Variants in TULP4 observed in about 807,000 individuals in gnomAD.
TULP4 encodes the protein tubby-related protein 4.
In TULP4, 16 loss-of-function variants were observed where a neutral mutation model predicts 129.0. That is an observed-to-expected ratio of 0.12 (90% CI 0.08 to 0.19). The LOEUF (loss-of-function observed/expected upper bound fraction) is 0.19. TULP4 is among the 10% of genes least tolerant of loss of function. The probability of loss-of-function intolerance (pLI) is 1.00; values close to 1 mark genes in which losing one functional copy is unlikely to be tolerated. For missense variants in TULP4, 1,842 were observed against 2,059.1 expected, an observed-to-expected ratio of 0.89 and a Z score of 2.04; for synonymous variants, 998 against 854.0, an observed-to-expected ratio of 1.17 and a Z score of -2.94.
Position 158,493,523 on chromosome 6 carries a change from TCACCATTCCCGCCACGGATG to T in TULP4, c.1632-48_1632-29del. 1 of 1,425,874 alleles carries T rather than the reference TCACCATTCCCGCCACGGATG, an allele frequency of 7.0e-7. No individual in the cohort carries two copies. The highest frequency in any genetic ancestry group is 9.2e-7 in the Non-Finnish European group (1 of 1,085,976). 88.3% of individuals were successfully genotyped at this position (1,425,874 alleles called of 1,614,324 possible). ...AGGACTGCTGGAGTCAGGGCCATGC[TCACCATTCCCGCCACGGATG>T]CCTGACCCCTCCTGGCCTTGCCTCC... is the stretch of plus-strand genomic sequence containing the variant. On this transcript the variant is annotated intron_variant, in intron 9 of 13. Transcript: ENST00000367097. This position sits in a 1 kb window ranked among gnomAD's most constrained non-coding sequence, Gnocchi z 4.4.
chr6:158,324,388 A>ATAG (rs1175854225), intron 1 of TULP4, among the ~76,000 whole-genome samples: 2 of 152,206 alleles, frequency 1.3e-5, no homozygotes, highest in African/African-American at 4.8e-5. Flanking sequence ...GCAGAGTGCT[A>ATAG]TAGTAGGTCA....
chr6:158,239,669 C>T (rs1476814742), intron 1 of TULP4, among the ~76,000 whole-genome samples: 7 of 63,534 alleles, frequency 1.1e-4, no homozygotes, highest in Non-Finnish European at 1.4e-4. Flanking sequence ...CCGGACCGGG[C>T]GGCTGGCCGG....
chr6:158,510,398 G>T lies in TULP4; in HGVS notation c.*3704G>T, dbSNP rs1780710782. ...TGGTGACCTTGGGCAAGTCCCTGGGGCTGGCTAGGCCTCCACTTGTCCATC... is the reference window on the plus strand; with the variant it reads ...TGGTGACCTTGGGCAAGTCCCTGGGTCTGGCTAGGCCTCCACTTGTCCATC... On this transcript the variant is annotated 3_prime_UTR_variant, in exon 14 of 14. Transcript: ENST00000367097. 1 of 152,196 alleles carries T rather than the reference G, an allele frequency of 6.6e-6. No individual in the cohort carries two copies. Among genetic ancestry groups the T allele is most frequent in the South Asian group, 2.1e-4 (1 of 4,832 alleles). The allele number at this position is 152,196 out of a possible 1,614,324, so 9.4% of individuals were successfully genotyped here.
In TULP4 at chr6:158,489,735, A is replaced by G; in HGVS notation, c.1631+3A>G. The G allele has an allele frequency of 6.2e-7, 1 of 1,614,196 alleles. No individual in the cohort carries two copies. ...AGCAAATCACCCAAACTCCCAAGGTAATCTCAGTCTTTGGGGAGATCGTCC... is the reference window on the plus strand; with the variant it reads ...AGCAAATCACCCAAACTCCCAAGGTGATCTCAGTCTTTGGGGAGATCGTCC... On this transcript the variant is annotated splice_donor_region_variant and intron_variant, in intron 9 of 13. Transcript: ENST00000367097.
chr6:158,367,555 G>A (rs1776950563), intron 1 of TULP4, among the ~76,000 whole-genome samples: 1 of 152,120 alleles, frequency 6.6e-6, no homozygotes, highest in Non-Finnish European at 1.5e-5. Context: ...CCTACAAAAA[G>A]ACTGAACACA....
chr6:158,285,061 A>C (rs906278678), intron 1 of TULP4, among the ~76,000 whole-genome samples: 1 of 152,052 alleles, frequency 6.6e-6, no homozygotes, highest in African/African-American at 2.4e-5. Context: ...AAGGTCTTTG[A>C]TTGTTCAAGC....
chr6:158,332,226 T>G (rs1779927103), intron 1 of TULP4, among the ~76,000 whole-genome samples: 1 of 130,136 alleles, frequency 7.7e-6, no homozygotes, highest in African/African-American at 2.9e-5. Flanking sequence ...TATATATATA[T>G]ATAAATTGAA....
chr6:158,373,779 C>T (rs905223669), intron 1 of TULP4, among the ~76,000 whole-genome samples: 2 of 152,146 alleles, frequency 1.3e-5, no homozygotes, highest in Non-Finnish European at 2.9e-5. Context: ...AGCATTCTTT[C>T]CATGTTAATA....
chr6:158,504,011 G>A lies in TULP4; in HGVS notation c.4348G>A (p.Ala1450Thr). Residue 1450 changes from alanine (A) to threonine (T), a missense_variant, in exon 13 of 14, where the codon GCC (alanine) becomes ACC (threonine). Physicochemically the swap from Ala to Thr is moderately conservative, Grantham distance 58. This residue lies in a region of TULP4 where 1,089 missense variants were observed against 987.1 expected (regional missense o/e 1.10). Transcript: ENST00000367097. ...GCTGGAGGAGGCCAAGTGCCGGCGG[G>A]CCAGTGAGAAGGAGGACGGGCGGCT... is the stretch of plus-strand genomic sequence containing the variant. The part of the protein sequence containing the change: ...GELEEAKCRR[A>T]SEKEDGRLGS... 1.2e-6 allele frequency: 2 copies of A among 1,612,538 alleles called. No individual in the cohort carries two copies. The highest frequency in any genetic ancestry group is 1.7e-6 in the Non-Finnish European group (2 of 1,179,396).
At chr6:158,237,490 C>G (rs1243504736) in intron 1 of TULP4, 1 of 1,540,620 alleles carries the variant, frequency 6.5e-7, no homozygotes, top group Non-Finnish European at 9.0e-7. Context: ...GGTGGGTGGG[C>G]TACTCACAGT....
chr6:158,259,294 C>G (rs1226866920), intron 1 of TULP4, among the ~76,000 whole-genome samples: 1 of 152,190 alleles, frequency 6.6e-6, no homozygotes, highest in Non-Finnish European at 1.5e-5. Context: ...GCCAGTGGAT[C>G]TGTCCTCCCT....
intron 3 of TULP4, among the ~76,000 whole-genome samples, chr6:158,444,375 G>GGT (rs1778983881): frequency 6.6e-6 from 1 of 151,240 alleles, no homozygotes; most frequent in African/African-American, 2.4e-5. Flanking sequence ...TGCCACCAGA[G>GGT]GTGCTAAGGT....
At chr6:158,427,949 A>C (rs1778538922) in intron 2 of TULP4, 1 of 151,650 alleles carries the variant, frequency 6.6e-6, no homozygotes, top group Non-Finnish European at 1.5e-5. Flanking sequence ...GCAAAACCCC[A>C]TCTCTACTAA....
intron 6 of TULP4, among the ~76,000 whole-genome samples, chr6:158,462,275 A>G (rs1330108593): frequency 6.6e-6 from 1 of 151,922 alleles, no homozygotes; most frequent in Non-Finnish European, 1.5e-5. Context: ...GATTTAAGCC[A>G]ATGTCTTTTC....
intron 1 of TULP4, among the ~76,000 whole-genome samples, chr6:158,357,744 A>C (rs1780680921): frequency 6.6e-6 from 1 of 152,158 alleles, no homozygotes; most frequent in Non-Finnish European, 1.5e-5. Flanking sequence ...TGCCCTCTCC[A>C]GTCACTCTGG....
chr6:158,480,050 G>A, intron 7 of TULP4, 75 bp downstream of exon 7: 3 of 1,254,410 alleles, frequency 2.4e-6, no homozygotes, highest in Non-Finnish European at 3.4e-6. Flanking sequence ...GCAGAGACAG[G>A]TGAGGGTACC....
At chr6:158,402,530 A>G (rs1777877040) in intron 1 of TULP4, among the ~76,000 whole-genome samples, 1 of 152,252 alleles carries the variant, frequency 6.6e-6, no homozygotes, top group East Asian at 1.9e-4. Flanking sequence ...TTCTGAATAG[A>G]GAATCATACT....
upstream of TULP4, among the ~76,000 whole-genome samples, chr6:158,309,185 C>T (rs2128480677): frequency 2.1e-5 from 1 of 47,078 alleles, no homozygotes; most frequent in East Asian, 6.9e-4. Flanking sequence ...GGGGTGGTTG[C>T]CAGGCGGAGG....
In TULP4 at chr6:158,473,191, G is replaced by A. The variant is rs79174923; in HGVS notation, c.1027-6560G>A. ...ATTGCATGTGTGATTGTGGACTTCT[G>A]TACTCTTGGAGGCGAATCCTATAGC... On this transcript the variant is annotated intron_variant, in intron 6 of 13. Coordinates refer to ENST00000367097, the MANE Select transcript of TULP4 (RefSeq NM_020245.5). Among the ~76,000 whole-genome samples the A allele has an allele frequency of 2.4e-3, 372 of 152,290 alleles. 1 individual carries two copies. The highest frequency in any genetic ancestry group is 8.6e-3 in the African/African-American group (359 of 41,568).
Sources: gnomAD v4.1 joint callset for allele counts (sites outside exome capture counted in the v4.1 genomes callset) on GRCh38, gnomAD v4.1.1 for gene constraint, gnomAD v4.1.1 regional missense constraint, Gnocchi (gnomAD v3.1) non-coding constraint, MANE v1.5 for transcripts, NCBI Gene and HGNC (gene_info 2026-07-23, HGNC 2026-07-21) for gene names.